Variants in SLCO5A1 observed in about 807,000 individuals in gnomAD.
The protein encoded by SLCO5A1 is solute carrier organic anion transporter family member 5A1, also known as organic anion transporter polypeptide-related protein 4.
In SLCO5A1, 39 loss-of-function variants were observed where a neutral mutation model predicts 65.1. The ratio of observed to expected loss-of-function variants is 0.60; its 90% CI spans 0.46 to 0.78. SLCO5A1 has a LOEUF of 0.78. Ranked by LOEUF, SLCO5A1 falls within the 30% of genes least tolerant of loss-of-function variation. The pLI is 0.00. For synonymous variants in SLCO5A1, 438 were observed against 415.7 expected (o/e 1.05, Z -0.65); for missense variants, 1,029 against 1,069.4 (o/e 0.96, Z 0.53).
chr8:69,697,750 G>A (rs148943532), intron 6 of SLCO5A1, among the ~76,000 whole-genome samples: 245 of 151,972 alleles, frequency 1.6e-3, no homozygotes, highest in African/African-American at 5.5e-3. Flanking sequence ...GAGAACTAAG[G>A]CTGAAATTAC....
rs532081026 is a variant in SLCO5A1, at chr8:69,755,376, C to T, written c.1258+48G>A. 2.4e-5 allele frequency: 36 copies of T among 1,502,176 alleles called. No homozygotes were observed. The African/African-American group carries it at 4.7e-4, about 19-fold the overall frequency. 93.1% of individuals were successfully genotyped at this position (1,502,176 alleles called of 1,614,324 possible). A position where few individuals can be genotyped will look rare whatever the true frequency, so the allele number is the denominator to read the frequency against. On this transcript the variant is annotated intron_variant, in intron 4 of 9. Transcript: ENST00000260126. ...GGGCCTGGGACCACACTATGAGTAGCACTGATCAAAGTGCCATGCATGTAT... is the reference window on the plus strand; with the variant it reads ...GGGCCTGGGACCACACTATGAGTAGTACTGATCAAAGTGCCATGCATGTAT...
At chr8:69,717,069 T>A (rs2130822881) in intron 5 of SLCO5A1, among the ~76,000 whole-genome samples, 1 of 152,330 alleles carries the variant, frequency 6.6e-6, no homozygotes, top group East Asian at 1.9e-4. Flanking sequence ...TGAGCCACCA[T>A]GCCTGGCCCA....
intron 4 of SLCO5A1, among the ~76,000 whole-genome samples, chr8:69,739,665 A>G (rs1816714994): frequency 6.6e-6 from 1 of 152,110 alleles, no homozygotes; most frequent in Non-Finnish European, 1.5e-5. Context: ...TTTAAACTAA[A>G]TTTAATGTTC....
rs1238241052 is a variant in SLCO5A1, at chr8:69,833,045, A to AC, written c.-373dup. The AC allele has an allele frequency of 3.7e-6, 1 of 267,154 alleles. No homozygotes were observed. The highest frequency in any genetic ancestry group is 2.3e-5 in the African/African-American group (1 of 43,584). The allele number at this position is 267,154 out of a possible 1,614,324, so 16.5% of individuals were successfully genotyped here. ...TGGGCCCGCGGCCAGGAGCGAGTGC[A>AC]CCCTGCGCCGGGGGTGGGGGGGCAC... On this transcript the variant is annotated 5_prime_UTR_variant, in exon 2 of 10. Transcript: ENST00000260126.
intron 2 of SLCO5A1, among the ~76,000 whole-genome samples, chr8:69,821,466 G>A (rs1204060005): frequency 6.6e-6 from 1 of 151,840 alleles, no homozygotes; most frequent in Non-Finnish European, 1.5e-5. Flanking sequence ...AGAGGGAGCA[G>A]GAGAAGAAGG....
intron 2 of SLCO5A1, among the ~76,000 whole-genome samples, chr8:69,777,070 A>C (rs1376008135): frequency 1.3e-5 from 2 of 152,214 alleles, no homozygotes; most frequent in Admixed American, 1.3e-4. Flanking sequence ...GTATGATCAC[A>C]AAAGAAATAA....
At chr8:69,817,680 A>G (rs1230515730) in intron 2 of SLCO5A1, among the ~76,000 whole-genome samples, 1 of 152,222 alleles carries the variant, frequency 6.6e-6, no homozygotes, top group African/African-American at 2.4e-5. Context: ...TCTTGGCTTG[A>G]ATAGTACCCC....
At chr8:69,796,177 G>A (rs1040161897) in intron 2 of SLCO5A1, among the ~76,000 whole-genome samples, 3 of 152,110 alleles carry the variant, frequency 2.0e-5, no homozygotes, top group African/African-American at 7.2e-5. Flanking sequence ...TTATCTATTA[G>A]TATTTGTCTT....
chr8:69,705,633 T>A (rs1814936313), intron 5 of SLCO5A1, among the ~76,000 whole-genome samples: 1 of 152,208 alleles, frequency 6.6e-6, no homozygotes, highest in Non-Finnish European at 1.5e-5. Context: ...TTACCCTAAA[T>A]ACCCCAATTT....
chr8:69,730,470 T>C (rs997377457), intron 5 of SLCO5A1, among the ~76,000 whole-genome samples: 4 of 152,206 alleles, frequency 2.6e-5, no homozygotes, highest in Admixed American at 6.5e-5. Flanking sequence ...AGTTATTGTT[T>C]TCTAGACTAG....
At chr8:69,704,082 G>T (rs1233429365) in intron 6 of SLCO5A1, among the ~76,000 whole-genome samples, 1 of 148,404 alleles carries the variant, frequency 6.7e-6, no homozygotes, top group African/African-American at 2.5e-5. Context: ...TTTACTTTTT[G>T]TATAAATGGG....
At chr8:69,706,958 G>A (rs1344538874) in intron 5 of SLCO5A1, among the ~76,000 whole-genome samples, 1 of 152,130 alleles carries the variant, frequency 6.6e-6, no homozygotes. Context: ...GACCAGCCTG[G>A]CTAAAATGGC....
intron 2 of SLCO5A1, among the ~76,000 whole-genome samples, chr8:69,822,435 G>A (rs1010088532): frequency 3.9e-5 from 6 of 152,260 alleles, no homozygotes; most frequent in East Asian, 1.9e-4. Flanking sequence ...TAATTAAACC[G>A]GTTATAACAT....
Position 69,804,858 on chromosome 8 carries a change from G to A in SLCO5A1, c.907+26909C>T, listed in dbSNP as rs114099862. On this transcript the variant is annotated intron_variant, in intron 2 of 9. Coordinates refer to ENST00000260126, the MANE Select transcript of SLCO5A1 (RefSeq NM_030958.3). ...GAACACACATGTCAGAGTCCTATTC[G>A]TGAGTTTCTCACCCAACCTGCAGGC... Among the ~76,000 whole-genome samples the A allele has an allele frequency of 7.5e-3, 1,144 of 152,228 alleles. 11 individuals carry two copies. The highest frequency in any genetic ancestry group is 0.026 in the African/African-American group (1,077 of 41,512).
At chr8:69,701,796 T>C (rs964746179) in intron 6 of SLCO5A1, among the ~76,000 whole-genome samples, 3 of 152,364 alleles carry the variant, frequency 2.0e-5, no homozygotes, top group African/African-American at 7.2e-5. Context: ...CTGAGGGCTG[T>C]GTCCCAGGCC....
rs1813241575 is a variant in SLCO5A1 at position 69,668,437 on chromosome 8, C to T, written c.*4432G>A. ...TATACAGTATTTTGGTATCTATCTG[C>T]TACTTAGAATACTCAGTATGCACCT... On this transcript the variant is annotated 3_prime_UTR_variant, in exon 10 of 10. Transcript: ENST00000260126. 1 of 152,204 alleles carries T rather than the reference C, an allele frequency of 6.6e-6. No homozygotes were observed. The highest frequency in any genetic ancestry group is 2.1e-4 in the South Asian group (1 of 4,824). 9.4% of individuals were successfully genotyped at this position (152,204 alleles called of 1,614,324 possible).
intron 2 of SLCO5A1, among the ~76,000 whole-genome samples, chr8:69,828,517 G>A (rs1332481651): frequency 6.6e-6 from 1 of 151,850 alleles, no homozygotes; most frequent in Admixed American, 6.6e-5. Context: ...CAGGAGAATG[G>A]CGTCAACCTG....
intron 2 of SLCO5A1, among the ~76,000 whole-genome samples, chr8:69,777,057 C>G (rs944053243): frequency 6.6e-6 from 1 of 152,170 alleles, no homozygotes; most frequent in African/African-American, 2.4e-5. Context: ...ATTCCACACC[C>G]AGGTATGATC....
intron 2 of SLCO5A1, among the ~76,000 whole-genome samples, chr8:69,804,074 A>G (rs960319430): frequency 1.3e-5 from 2 of 152,194 alleles, no homozygotes; most frequent in African/African-American, 4.8e-5. Flanking sequence ...AACTATAGGA[A>G]AAGCAGGTTA....
Sources: allele counts gnomAD v4.1 joint callset (sites outside exome capture counted in the v4.1 genomes callset), GRCh38; gene constraint gnomAD v4.1.1; transcripts MANE v1.5; gene names NCBI Gene and HGNC (gene_info 2026-07-23, HGNC 2026-07-21).